The following NRG1 variants were observed in gnomAD, a reference collection of about 807,000 sequenced individuals.
NRG1 encodes the protein neuregulin 1.
In NRG1, 18 loss-of-function variants were observed where a neutral mutation model predicts 63.8. That is an observed-to-expected ratio of 0.28 (90% CI 0.19 to 0.42). The LOEUF (loss-of-function observed/expected upper bound fraction) is 0.42. Ranked by LOEUF, NRG1 falls within the 10% of genes least tolerant of loss-of-function variation. The probability of loss-of-function intolerance (pLI) is 1.00; values close to 1 mark genes in which losing one functional copy is unlikely to be tolerated. For synonymous variants in NRG1, 302 were observed against 301.3 expected (o/e 1.00, Z -0.02); for missense variants, 762 against 814.7 (o/e 0.94, Z 0.79).
At chr8:31,882,454 C>CTA (rs1014598953) in intron 1 of NRG1, among the ~76,000 whole-genome samples, 24 of 151,596 alleles carry the variant, frequency 1.6e-4, no homozygotes, top group African/African-American at 5.8e-4. Context: ...TTCATGCCTA[C>CTA]TAACACAACA....
rs536259861 is a variant in NRG1, at chr8:32,142,121, C to T, written c.38-453707C>T. Among the ~76,000 whole-genome samples, 7 of 152,184 alleles carry T rather than the reference C, an allele frequency of 4.6e-5. No individual in the cohort carries two copies. The South Asian group carries it at 8.3e-4, about 18-fold the overall frequency. ...GCTTATAGCTTGCCTACCCTAAAAC[C>T]CCAGGAGTCTCATTCTGCCTGACCC... is the stretch of plus-strand genomic sequence containing the variant. On this transcript the variant is annotated intron_variant, in intron 1 of 10. Transcript: ENST00000519301.
At chr8:32,057,600 C>T (rs1329520863) in intron 1 of NRG1, among the ~76,000 whole-genome samples, 2 of 152,132 alleles carry the variant, frequency 1.3e-5, no homozygotes, top group Non-Finnish European at 2.9e-5. Flanking sequence ...CCCCACTGCC[C>T]ATGTTTTGTA....
chr8:31,832,737 G>A (rs961706578), intron 1 of NRG1, among the ~76,000 whole-genome samples: 2 of 152,140 alleles, frequency 1.3e-5, no homozygotes, highest in African/African-American at 4.8e-5. Flanking sequence ...AGCTTCCTTT[G>A]AGCAGGCTAT....
At chr8:31,690,071 T>A (rs1422750846) in intron 1 of NRG1, among the ~76,000 whole-genome samples, 1 of 152,236 alleles carries the variant, frequency 6.6e-6, no homozygotes, top group African/African-American at 2.4e-5. Context: ...TTTCTCTTGA[T>A]AATGAGTGAG....
intron 1 of NRG1, among the ~76,000 whole-genome samples, chr8:32,413,249 A>G (rs1815368171): frequency 6.6e-6 from 1 of 152,246 alleles, no homozygotes; most frequent in South Asian, 2.1e-4. Flanking sequence ...TAAATGTTCT[A>G]TGATGTAGTT....
chr8:31,816,374 C>T (rs1388400440), intron 1 of NRG1, among the ~76,000 whole-genome samples: 1 of 152,156 alleles, frequency 6.6e-6, no homozygotes, highest in Non-Finnish European at 1.5e-5. Flanking sequence ...ACCTGAATTC[C>T]AGCATGATTC....
chr8:32,385,780 A>G (rs545996343), intron 1 of NRG1, among the ~76,000 whole-genome samples: 1 of 152,220 alleles, frequency 6.6e-6, no homozygotes, highest in East Asian at 1.9e-4. Context: ...TTCGGTGGGG[A>G]CACAGATCCA....
At chr8:32,041,904 G>T (rs1820127189) in intron 1 of NRG1, among the ~76,000 whole-genome samples, 1 of 152,148 alleles carries the variant, frequency 6.6e-6, no homozygotes, top group Non-Finnish European at 1.5e-5. Flanking sequence ...ACATGAATAT[G>T]TCTGGTCCTA....
intron 1 of NRG1, among the ~76,000 whole-genome samples, chr8:32,006,326 T>C (rs1277297547): frequency 6.6e-6 from 1 of 152,014 alleles, no homozygotes; most frequent in Non-Finnish European, 1.5e-5. Flanking sequence ...AGAAAGAGTA[T>C]GACTAAAACA....
intron 1 of NRG1, among the ~76,000 whole-genome samples, chr8:32,354,240 G>A (rs553905539): frequency 1.3e-5 from 2 of 151,992 alleles, no homozygotes; most frequent in Non-Finnish European, 2.9e-5. Flanking sequence ...GTGGTGATGA[G>A]TGCCTGTAAT....
chr8:32,132,915 G>C (rs1320758605), intron 1 of NRG1, among the ~76,000 whole-genome samples: 1 of 152,026 alleles, frequency 6.6e-6, no homozygotes, highest in Non-Finnish European at 1.5e-5. Context: ...GTATATAAAT[G>C]AGAAATAGAC....
At chr8:32,132,182 G>T (rs752536645) in intron 1 of NRG1, among the ~76,000 whole-genome samples, 1 of 152,018 alleles carries the variant, frequency 6.6e-6, no homozygotes, top group Non-Finnish European at 1.5e-5. Flanking sequence ...TAGGAATTGT[G>T]CATGCCTCTT....
chr8:31,963,029 T>C (rs1218056031), intron 1 of NRG1, among the ~76,000 whole-genome samples: 1 of 152,220 alleles, frequency 6.6e-6, no homozygotes, highest in Non-Finnish European at 1.5e-5. Context: ...TGTTCTCATA[T>C]TCCCAGTGCC....
intron 1 of NRG1, among the ~76,000 whole-genome samples, chr8:31,684,537 C>A (rs1808664570): frequency 6.6e-6 from 1 of 152,112 alleles, no homozygotes; most frequent in Non-Finnish European, 1.5e-5. Context: ...TTTTGTTATG[C>A]AGAAGGAACA....
At chr8:31,879,420 T>G (rs1228616004) in intron 1 of NRG1, among the ~76,000 whole-genome samples, 1 of 152,134 alleles carries the variant, frequency 6.6e-6, no homozygotes, top group Non-Finnish European at 1.5e-5. Context: ...AGCACTGGAG[T>G]CCAGTGATGC....
intron 5 of NRG1, among the ~76,000 whole-genome samples, chr8:32,618,394 A>G (rs1434892239): frequency 6.6e-6 from 1 of 152,216 alleles, no homozygotes; most frequent in East Asian, 1.9e-4. Context: ...CAGTTTGAGA[A>G]TGTAAAAAAA....
At chr8:32,560,428 C>G (rs1836170233) in intron 1 of NRG1, among the ~76,000 whole-genome samples, 1 of 152,184 alleles carries the variant, frequency 6.6e-6, no homozygotes, top group South Asian at 2.1e-4. Context: ...GTTGTCATAT[C>G]ACCAGGTGCC....
chr8:32,073,433 A>G (rs1826040261), intron 1 of NRG1, among the ~76,000 whole-genome samples: 1 of 152,184 alleles, frequency 6.6e-6, no homozygotes, highest in African/African-American at 2.4e-5. Flanking sequence ...ATTTCTCCGT[A>G]GCAGACTTCA....
intron 11 of NRG1, among the ~76,000 whole-genome samples, chr8:32,761,347 T>C (rs928238166): frequency 3.9e-5 from 6 of 152,182 alleles, no homozygotes; most frequent in Non-Finnish European, 8.8e-5. Flanking sequence ...GTCAAATCCA[T>C]ACTTATGTGG....
Sources: allele counts gnomAD v4.1 joint callset (sites outside exome capture counted in the v4.1 genomes callset), GRCh38; gene constraint gnomAD v4.1.1; transcripts MANE v1.5; gene names NCBI Gene and HGNC (gene_info 2026-07-23, HGNC 2026-07-21).